The following CEP192 variants were observed in gnomAD, a reference collection of about 807,000 sequenced individuals.
CEP192 encodes the protein centrosomal protein of 192 kDa.
In CEP192, 151 loss-of-function variants were observed where a neutral mutation model predicts 271.8. The observed-to-expected ratio is 0.56, with a 90% CI of 0.49 to 0.64. The LOEUF is 0.64. Ranked by LOEUF, CEP192 falls within the 30% of genes least tolerant of loss-of-function variation. The pLI is 0.00. For synonymous variants in CEP192, 995 were observed against 1,076.5 expected (o/e 0.92, Z 1.48); for missense variants, 2,910 against 3,020.5 (o/e 0.96, Z 0.86).
At chr18:13,003,141 G>A (rs777936426) in intron 3 of CEP192, among the ~76,000 whole-genome samples, 7 of 152,084 alleles carry the variant, frequency 4.6e-5, no homozygotes, top group Non-Finnish European at 8.8e-5. Flanking sequence ...GTCAGTATGG[G>A]TCTCATTATG....
intron 30 of CEP192, among the ~76,000 whole-genome samples, chr18:13,080,085 G>A (rs1415259401): frequency 3.3e-5 from 5 of 152,138 alleles, no homozygotes; most frequent in Non-Finnish European, 5.9e-5. Context: ...CTCCAGCTTT[G>A]TTCTTTTGGC....
chr18:13,017,214 T>A lies in CEP192; in HGVS notation c.667T>A (p.Tyr223Asn), dbSNP rs1460023901. ...SDDDIDDEMF[Y>N]DDHLEAYFEQ... ...TGATGATATTGATGATGAAATGTTT[T>A]ATGATGATCATTTGGAGGCTTATTT... Residue 223 changes from tyrosine to asparagine, a missense_variant, in exon 7 of 45, where the codon TAT becomes AAT. Physicochemically the swap from Tyr to Asn is moderately radical, Grantham distance 143 (BLOSUM62 -2). Transcript: ENST00000506447. 4 of 1,548,766 alleles carry A rather than the reference T, an allele frequency of 2.6e-6. No homozygotes were observed. Among genetic ancestry groups the A allele is most frequent in the Non-Finnish European group, 3.5e-6 (4 of 1,146,086 alleles).
In CEP192 at chr18:13,124,585, C is replaced by A. The variant is rs200997340; in HGVS notation, c.7476-47C>A. 3 of 1,567,200 alleles carry A rather than the reference C, an allele frequency of 1.9e-6. No homozygotes were observed. The Admixed American group carries it at 5.1e-5, about 27-fold the overall frequency. On this transcript the variant is annotated intron_variant, in intron 44 of 44. Coordinates refer to ENST00000506447, the MANE Select transcript of CEP192 (RefSeq NM_032142.4). Reference sequence around the variant, plus strand: ...CACTGTGCTGCCTGGGACAGGGTCACGGGTGCTGTCATGACATGCTGCTGT... The same window carrying A: ...CACTGTGCTGCCTGGGACAGGGTCAAGGGTGCTGTCATGACATGCTGCTGT...
chr18:13,038,114 C>T (rs1598424575), intron 12 of CEP192, among the ~76,000 whole-genome samples: 1 of 152,152 alleles, frequency 6.6e-6, no homozygotes, highest in Admixed American at 6.5e-5. Context: ...GCTGGGATTA[C>T]AGGAAAGCGC....
At chr18:13,110,542 A>G (rs957191911) in intron 40 of CEP192, among the ~76,000 whole-genome samples, 1 of 152,152 alleles carries the variant, frequency 6.6e-6, no homozygotes, top group Non-Finnish European at 1.5e-5. Context: ...ATTAGGGTAG[A>G]CCCTTACTGT....
At chr18:13,110,549 C>T (rs1052010352) in intron 40 of CEP192, among the ~76,000 whole-genome samples, 1 of 151,936 alleles carries the variant, frequency 6.6e-6, no homozygotes, top group African/African-American at 2.4e-5. Flanking sequence ...TAGACCCTTA[C>T]TGTATTAGGG....
chr18:13,081,655 T>G (rs2144615711), intron 30 of CEP192, among the ~76,000 whole-genome samples: 1 of 152,342 alleles, frequency 6.6e-6, no homozygotes, highest in East Asian at 1.9e-4. Context: ...GCTCTGATCT[T>G]CAGTATTTCT....
chr18:13,071,595 C>T (rs1375633467), intron 28 of CEP192, among the ~76,000 whole-genome samples: 12 of 152,176 alleles, frequency 7.9e-5, no homozygotes, highest in Non-Finnish European at 1.5e-5. Flanking sequence ...TTTAGCAAAA[C>T]CCATGAAAGT....
chr18:13,029,790 G>A lies in CEP192; in HGVS notation c.1178G>A (p.Gly393Glu), dbSNP rs1167561345. The A allele has an allele frequency of 1.9e-6, 3 of 1,551,632 alleles. No individual in the cohort carries two copies. The highest frequency in any genetic ancestry group is 4.9e-5 in the East Asian group (2 of 40,906). Residue 393 changes from glycine (G) to glutamate (E), a missense_variant, in exon 10 of 45, where the codon GGG becomes GAG. By Grantham distance (98) the Gly-to-Glu change is moderately conservative. Coordinates refer to ENST00000506447, the MANE Select transcript of CEP192 (RefSeq NM_032142.4). Reference protein sequence around the residue: ...GFDLTDPVKQGAECPHQNKTV... With the variant: ...GFDLTDPVKQEAECPHQNKTV... ...GATCTGACTGACCCTGTAAAACAGG[G>A]GGCAGAGTGTCCTCACCAAAATAAG...
chr18:13,020,028 C>G (rs2034896109), intron 9 of CEP192, among the ~76,000 whole-genome samples: 1 of 152,076 alleles, frequency 6.6e-6, no homozygotes, highest in Non-Finnish European at 1.5e-5. Context: ...TCAGGCAGGT[C>G]TCAAACTCCT....
chr18:13,002,059 A>G (rs2033681425), intron 3 of CEP192, among the ~76,000 whole-genome samples: 1 of 152,198 alleles, frequency 6.6e-6, no homozygotes, highest in Non-Finnish European at 1.5e-5. Context: ...TAGTCTTTCA[A>G]AACATTTTTT....
At chr18:13,092,616 A>G (rs113848456) in intron 34 of CEP192, 89 bp downstream of exon 34, 1 of 923,760 alleles carries the variant, frequency 1.1e-6, no homozygotes, top group Non-Finnish European at 1.6e-6. Context: ...CTTCACTATT[A>G]TTATTATTTT....
chr18:13,039,865 A>T (rs777297995), intron 13 of CEP192, among the ~76,000 whole-genome samples: 76 of 152,204 alleles, frequency 5.0e-4, no homozygotes, highest in Non-Finnish European at 9.3e-4. Flanking sequence ...AATGGGAGAG[A>T]TGTGATGAAG....
At chr18:13,054,332 G>A (rs547185859) in intron 18 of CEP192, among the ~76,000 whole-genome samples, 52 of 152,200 alleles carry the variant, frequency 3.4e-4, no homozygotes, top group Non-Finnish European at 1.9e-4. Context: ...AGCTATTTTC[G>A]TGTGTGGACG....
At chr18:13,083,068 C>G (rs1390608050) in intron 30 of CEP192, among the ~76,000 whole-genome samples, 1 of 152,116 alleles carries the variant, frequency 6.6e-6, no homozygotes, top group Non-Finnish European at 1.5e-5. Flanking sequence ...TTCCTTCATT[C>G]CAACCTTGGT....
Position 13,001,534 on chromosome 18 carries a change from G to C in CEP192, c.242G>C (p.Ser81Thr), listed in dbSNP as rs764553056. The change falls in exon 3 of 45, where the codon AGT becomes ACT. Residue 81 changes from serine to threonine, a missense_variant. Physicochemically the swap from Ser to Thr is moderately conservative, Grantham distance 58 (BLOSUM62 1). Coordinates refer to ENST00000506447, the MANE Select transcript of CEP192 (RefSeq NM_032142.4). The part of the protein sequence containing the change: ...VPSGSSPGSQ[S>T]DAEPRERLQL... Reference sequence around the variant, plus strand: ...TCCGGGTCATCTCCCGGAAGCCAGAGTGATGCTGAACCAAGAGAGAGGTTA... The same window carrying C: ...TCCGGGTCATCTCCCGGAAGCCAGACTGATGCTGAACCAAGAGAGAGGTTA... The C allele has an allele frequency of 1.9e-6, 3 of 1,551,218 alleles. No homozygotes were observed. The South Asian group carries it at 3.6e-5, about 18-fold the overall frequency.
intron 36 of CEP192, among the ~76,000 whole-genome samples, chr18:13,096,590 G>C (rs563515032): frequency 6.6e-6 from 1 of 152,180 alleles, no homozygotes; most frequent in Admixed American, 6.5e-5. Context: ...AGACTTCAGA[G>C]CGTTTCCTTC....
At chr18:13,051,226 T>G (rs1350945343) in intron 17 of CEP192, among the ~76,000 whole-genome samples, 1 of 152,210 alleles carries the variant, frequency 6.6e-6, no homozygotes, top group Non-Finnish European at 1.5e-5. Flanking sequence ...GCCTGTGTTC[T>G]TGCAGTTCAG....
chr18:13,020,209 T>C (rs1173514072), intron 9 of CEP192, among the ~76,000 whole-genome samples: 2 of 152,202 alleles, frequency 1.3e-5, no homozygotes, highest in Non-Finnish European at 2.9e-5. Flanking sequence ...AAACAAACTC[T>C]ACCCATTAAA....
Sources: gnomAD v4.1 joint callset for allele counts (sites outside exome capture counted in the v4.1 genomes callset) on GRCh38, gnomAD v4.1.1 for gene constraint, MANE v1.5 for transcripts, NCBI Gene and HGNC (gene_info 2026-07-23, HGNC 2026-07-21) for gene names.